The following ERBB4 variants were observed in gnomAD, a reference collection of about 807,000 sequenced individuals.
ERBB4 encodes receptor tyrosine-protein kinase erbB-4.
A neutral mutation model predicts 158.0 loss-of-function variants in ERBB4; 42 were observed. That is an observed-to-expected ratio of 0.27 (90% CI 0.21 to 0.34). The LOEUF is 0.34. Ranked by LOEUF, ERBB4 falls within the 10% of genes least tolerant of loss-of-function variation. The pLI is 1.00. For synonymous variants in ERBB4, 583 were observed against 558.7 expected (o/e 1.04, Z -0.61); for missense variants, 1,333 against 1,624.1 (o/e 0.82, Z 3.08).
intron 5 of ERBB4, among the ~76,000 whole-genome samples, chr2:211,745,915 G>C (rs142894257): frequency 6.6e-6 from 1 of 152,094 alleles, no homozygotes. Context: ...CTGTATCCAG[G>C]AAACAGTTGT....
chr2:212,236,033 T>C (rs1199387692), intron 1 of ERBB4, among the ~76,000 whole-genome samples: 2 of 152,198 alleles, frequency 1.3e-5, no homozygotes, highest in Admixed American at 6.5e-5. Context: ...AAGGGCATCC[T>C]TGTCTTTTGC....
intron 3 of ERBB4, among the ~76,000 whole-genome samples, chr2:211,810,660 G>GCC: frequency 9.4e-6 from 1 of 106,660 alleles, no homozygotes; most frequent in East Asian, 3.0e-4. Context: ...GCCAGTCTCT[G>GCC]TCTTTTTTTT....
chr2:212,195,656 T>C (rs1377408088), intron 1 of ERBB4, among the ~76,000 whole-genome samples: 2 of 152,036 alleles, frequency 1.3e-5, no homozygotes, highest in Admixed American at 6.6e-5. Context: ...TTCAATATTG[T>C]CTTCAAGCAC....
At chr2:212,016,755 G>C (rs1375332946) in intron 2 of ERBB4, among the ~76,000 whole-genome samples, 1 of 151,998 alleles carries the variant, frequency 6.6e-6, no homozygotes, top group Non-Finnish European at 1.5e-5. Flanking sequence ...AATAAATAAT[G>C]ATAGTGAGAT....
chr2:211,781,147 G>T (rs2076025840), intron 4 of ERBB4, among the ~76,000 whole-genome samples: 1 of 152,104 alleles, frequency 6.6e-6, no homozygotes, highest in Admixed American at 6.5e-5. Flanking sequence ...ACACAAGTTG[G>T]TAATGTAATA....
Position 212,367,737 on chromosome 2 carries a change from GA to G in ERBB4, c.82+170711del, listed in dbSNP as rs550800732. ...ATCTACAACGAATTCAAATCAGTAAGAAAAAAGTAAACATTCCCATCAAAAA... is the reference window on the plus strand; with the variant it reads ...ATCTACAACGAATTCAAATCAGTAAGAAAAAGTAAACATTCCCATCAAAAA... On this transcript the variant is annotated intron_variant, in intron 1 of 27. Transcript: ENST00000342788. Among the ~76,000 whole-genome samples, 391 of 151,954 alleles carry G rather than the reference GA, an allele frequency of 2.6e-3. 1 individual carries two copies. Among genetic ancestry groups the G allele is most frequent in the Non-Finnish European group, 4.3e-3 (293 of 67,920 alleles).
chr2:212,349,569 G>T (rs1312275727), intron 1 of ERBB4, among the ~76,000 whole-genome samples: 1 of 152,206 alleles, frequency 6.6e-6, no homozygotes, highest in South Asian at 2.1e-4. Context: ...TGACCTAGAT[G>T]GGAACTGATG....
chr2:211,680,652 T>A (rs911325498), intron 12 of ERBB4, among the ~76,000 whole-genome samples: 6 of 152,216 alleles, frequency 3.9e-5, no homozygotes, highest in African/African-American at 1.4e-4. Flanking sequence ...TCCTGACTAG[T>A]TCTGAAACAG....
At chr2:211,612,541 G>C (rs1018857991) in intron 19 of ERBB4, among the ~76,000 whole-genome samples, 4 of 152,124 alleles carry the variant, frequency 2.6e-5, no homozygotes, top group Admixed American at 6.6e-5. Flanking sequence ...AGTTCATTAG[G>C]TATGATTGGA....
rs1205453144 is a variant in ERBB4 at position 212,383,882 on chromosome 2, A to G, written c.82+154567T>C. Among the ~76,000 whole-genome samples, 4 of 151,828 alleles carry G rather than the reference A, an allele frequency of 2.6e-5. No homozygotes were observed. The East Asian group carries it at 7.8e-4, about 29-fold the overall frequency. ...TCATCACAGATTAATTTTAAGGACCACAGTTTTACATTTCCAATGTCCTAC... is the reference window on the plus strand; with the variant it reads ...TCATCACAGATTAATTTTAAGGACCGCAGTTTTACATTTCCAATGTCCTAC... On this transcript the variant is annotated intron_variant, in intron 1 of 27. Transcript: ENST00000342788.
intron 5 of ERBB4, among the ~76,000 whole-genome samples, chr2:211,736,344 T>G (rs770347422): frequency 2.0e-5 from 3 of 152,216 alleles, no homozygotes; most frequent in Non-Finnish European, 4.4e-5. Context: ...CTGAGCCTAA[T>G]CAGTGCAAGA....
intron 20 of ERBB4, among the ~76,000 whole-genome samples, chr2:211,534,925 C>T (rs1398844973): frequency 6.6e-6 from 1 of 152,084 alleles, no homozygotes; most frequent in East Asian, 1.9e-4. Context: ...GCCCAGTTCT[C>T]ACTCACATTT....
At chr2:211,654,583 A>T (rs1443563817) in intron 16 of ERBB4, among the ~76,000 whole-genome samples, 1 of 152,210 alleles carries the variant, frequency 6.6e-6, no homozygotes, top group African/African-American at 2.4e-5. Context: ...CAAAGTGATT[A>T]TTATGCCAAC....
chr2:212,293,895 T>C (rs1195599690), intron 1 of ERBB4, among the ~76,000 whole-genome samples: 2 of 146,074 alleles, frequency 1.4e-5, no homozygotes, highest in Non-Finnish European at 3.0e-5. Context: ...AAGTGTATGA[T>C]GTGTATAAGA....
chr2:211,524,861 G>A (rs965334732), intron 20 of ERBB4, among the ~76,000 whole-genome samples: 20 of 152,326 alleles, frequency 1.3e-4, no homozygotes, highest in Non-Finnish European at 2.5e-4. Context: ...CTCAGGTGCC[G>A]CCAAAGTGGG....
In ERBB4 at chr2:211,522,559, G is replaced by T. The variant is rs558183200; in HGVS notation, c.2487+39344C>A. On this transcript the variant is annotated intron_variant, in intron 20 of 27. Transcript: ENST00000342788. ...AACTTAGTTGATGGAGGAGCAGCAG[G>T]GTTTGGGAGAATTGACTCCAATTTT... Among the ~76,000 whole-genome samples, 187 of 152,236 alleles carry T rather than the reference G, an allele frequency of 1.2e-3. 1 individual carries two copies. Among genetic ancestry groups the T allele is most frequent in the African/African-American group, 4.3e-3 (179 of 41,558 alleles).
At chr2:211,592,937 G>A (rs970607790) in intron 19 of ERBB4, among the ~76,000 whole-genome samples, 1 of 151,860 alleles carries the variant, frequency 6.6e-6, no homozygotes, top group East Asian at 1.9e-4. Flanking sequence ...CTTGAACCGG[G>A]AGGTGGAGGT....
chr2:212,467,958 G>A (rs538849127), intron 1 of ERBB4, among the ~76,000 whole-genome samples: 15 of 152,302 alleles, frequency 9.8e-5, no homozygotes, highest in Admixed American at 9.8e-4. Flanking sequence ...TGTGAGACAT[G>A]GAGTCAAAGG....
At position 211,428,204 on chromosome 2, in the gene ERBB4, G is replaced by C. The variant is rs1836716; in HGVS notation, c.2719+204C>G. 0.42 allele frequency among the ~76,000 whole-genome samples: 62,909 copies of C among 150,718 alleles called. 14,189 individuals carry two copies. The highest frequency in any genetic ancestry group is 0.6 in the African/African-American group (24,600 of 40,936). On this transcript the variant is annotated intron_variant, in intron 22 of 27. Coordinates refer to ENST00000342788, the MANE Select transcript of ERBB4 (RefSeq NM_005235.3). ...AACCTGCAGGTTCTGCATGTGTATC[G>C]CAGAACTTAAAATAAAATAAAATAA...
Sources: allele counts gnomAD v4.1 joint callset (sites outside exome capture counted in the v4.1 genomes callset), GRCh38; gene constraint gnomAD v4.1.1; transcripts MANE v1.5; gene names NCBI Gene and HGNC (gene_info 2026-07-23, HGNC 2026-07-21).